The following ACTR5 variants were observed in gnomAD, a reference collection of about 807,000 sequenced individuals.
ACTR5 encodes the protein actin related protein 5, also known as actin-related protein 5.
Under a neutral mutation model 61.2 loss-of-function variants are expected in ACTR5, and 43 were observed. That is an observed-to-expected ratio of 0.70 (90% confidence interval 0.55 to 0.91). The LOEUF (loss-of-function observed/expected upper bound fraction) is 0.91. ACTR5 is among the 40% of genes least tolerant of loss of function. The pLI, the probability that ACTR5 is intolerant of heterozygous loss-of-function variation, is 0.00. For synonymous variants in ACTR5, 333 were observed against 310.5 expected (o/e 1.07, Z -0.76); for missense variants, 798 against 782.2 (o/e 1.02, Z -0.24).
intron 8 of ACTR5, among the ~76,000 whole-genome samples, chr20:38,770,810 T>A (rs1431301468): frequency 6.6e-6 from 1 of 152,176 alleles, no homozygotes; most frequent in Non-Finnish European, 1.5e-5. Context: ...CTTTCCCACC[T>A]CCATTTGTGC....
Position 38,771,643 on chromosome 20 carries a change from T to G in ACTR5, c.1651T>G (p.Trp551Gly), listed in dbSNP as rs1438629171. 1 of 1,614,124 alleles carries G rather than the reference T, an allele frequency of 6.2e-7. No homozygotes were observed. The highest frequency in any genetic ancestry group is 8.5e-7 in the Non-Finnish European group (1 of 1,180,020). ...GAACCACCTAGATGATAATGAAGTT[T>G]GGATCACCAGGAAAGAGTATGAAGA... Reference protein sequence around the residue: ...ALNHLDDNEVWITRKEYEEKG... With the variant: ...ALNHLDDNEVGITRKEYEEKG... The change falls in exon 9 of 9, where the codon TGG (tryptophan) becomes GGG (glycine). Residue 551 changes from tryptophan to glycine, a missense_variant. Transcript: ENST00000243903.
rs551145184 is a variant in ACTR5 at position 38,757,540 on chromosome 20, A to G, written c.1176+1501A>G. On this transcript the variant is annotated intron_variant, in intron 5 of 8. Transcript: ENST00000243903. ...AGCTGTTGATTACTTATCCTTTCAGAAAAAAAATGATACTTTGGAAAAATG... is the reference window on the plus strand; with the variant it reads ...AGCTGTTGATTACTTATCCTTTCAGGAAAAAAATGATACTTTGGAAAAATG... 2.0e-5 allele frequency among the ~76,000 whole-genome samples: 3 copies of G among 151,858 alleles called. No individual in the cohort carries two copies. The South Asian group carries it at 6.2e-4, about 32-fold the overall frequency.
At chr20:38,759,848 G>A (rs908259850) in intron 5 of ACTR5, among the ~76,000 whole-genome samples, 1 of 152,098 alleles carries the variant, frequency 6.6e-6, no homozygotes, top group African/African-American at 2.4e-5. Context: ...TTTTTGAGAA[G>A]GACTGGATGT....
In ACTR5 at chr20:38,748,537, A is replaced by T; in HGVS notation, c.59A>T (p.Glu20Val). Residue 20 changes from glutamate to valine, a missense_variant, in exon 1 of 9, where the codon GAG (glutamate) becomes GTG (valine). By Grantham distance (121) the Glu-to-Val change is moderately radical (BLOSUM62 -2). Transcript: ENST00000243903. ...CGTGCCGCACCGGACCCAGTGCTGG[A>T]GGCCGGCCCGGTGGCACACGGGCCA... is the stretch of plus-strand genomic sequence containing the variant. ...DARAAPDPVL[E>V]AGPVAHGPLP... The T allele has an allele frequency of 6.6e-7, 1 of 1,509,826 alleles. No homozygotes were observed. The highest frequency in any genetic ancestry group is 8.8e-7 in the Non-Finnish European group (1 of 1,133,874). The allele number at this position is 1,509,826 out of a possible 1,614,324, so 93.5% of individuals were successfully genotyped here. A position where few individuals can be genotyped will look rare whatever the true frequency, so the allele number is the denominator to read the frequency against.
At chr20:38,757,262 C>T (rs1258180612) in intron 5 of ACTR5, among the ~76,000 whole-genome samples, 3 of 152,104 alleles carry the variant, frequency 2.0e-5, no homozygotes, top group African/African-American at 7.2e-5. Context: ...AGAGCTTAGG[C>T]CCCAGCATCT....
chr20:38,748,761 C>G lies in ACTR5; in HGVS notation c.283C>G (p.Arg95Gly). 2 of 1,602,558 alleles carry G rather than the reference C, an allele frequency of 1.2e-6. No individual in the cohort carries two copies. The highest frequency in any genetic ancestry group is 1.7e-6 in the Non-Finnish European group (2 of 1,176,164). Residue 95 changes from arginine (R) to glycine (G), a missense_variant, in exon 1 of 9, where the codon CGC (arginine) becomes GGC (glycine). Coordinates refer to ENST00000243903, the MANE Select transcript of ACTR5 (RefSeq NM_024855.4). ...CCTGGAGCCACTGCGCTGGATGCTG[C>G]GCTCGCCCTTCGACCGCAACGTGCC... is the stretch of plus-strand genomic sequence containing the variant. ...GSLEPLRWML[R>G]SPFDRNVPVN...
intron 2 of ACTR5, among the ~76,000 whole-genome samples, chr20:38,751,646 C>T (rs780888183): frequency 1.1e-4 from 16 of 152,246 alleles, no homozygotes; most frequent in Non-Finnish European, 2.1e-4. Context: ...GGTTCTTTTA[C>T]AGTAAGTCAG....
At chr20:38,767,647 T>G (rs1177127717) in intron 8 of ACTR5, 51 bp downstream of exon 8, 1 of 1,550,804 alleles carries the variant, frequency 6.4e-7, no homozygotes, top group African/African-American at 1.4e-5. Context: ...TTACCTGTTT[T>G]CTGATTGCAA....
At chr20:38,760,409 G>A (rs1177105936) in intron 5 of ACTR5, among the ~76,000 whole-genome samples, 2 of 152,062 alleles carry the variant, frequency 1.3e-5, no homozygotes, top group African/African-American at 4.8e-5. Context: ...TTTTGTTTTG[G>A]GAAACTAACT....
At chr20:38,751,752 T>G (rs976123984) in intron 2 of ACTR5, among the ~76,000 whole-genome samples, 3 of 152,208 alleles carry the variant, frequency 2.0e-5, no homozygotes, top group African/African-American at 7.2e-5. Flanking sequence ...AGGGAGCTCA[T>G]TAAAATGCAG....
Position 38,748,831 on chromosome 20 carries a change from A to C in ACTR5, c.353A>C (p.Gln118Pro). 1 of 1,608,294 alleles carries C rather than the reference A, an allele frequency of 6.2e-7. No homozygotes were observed. The highest frequency in any genetic ancestry group is 8.5e-7 in the Non-Finnish European group (1 of 1,178,660). The change falls in exon 1 of 9, where the codon CAG becomes CCG. Residue 118 changes from glutamine (Q) to proline (P), a missense_variant. By Grantham distance (76) the Gln-to-Pro change is moderately conservative. Transcript: ENST00000243903. The part of the protein sequence containing the change: ...LQELLLDYSF[Q>P]HLGVSSQGCV... ...GAGTTGCTGCTGGACTACAGCTTCC[A>C]GCACCTGGGTGTCTCCTCACAGGTG...
At position 38,755,077 on chromosome 20, in the gene ACTR5, A is replaced by G. The variant is rs1457793481; in HGVS notation, c.896A>G (p.Gln299Arg). 6.2e-7 allele frequency: 1 copy of G among 1,614,272 alleles called. No homozygotes were observed. Among genetic ancestry groups the G allele is most frequent in the South Asian group, 1.1e-5 (1 of 91,092 alleles). Residue 299 changes from glutamine to arginine, a missense_variant, in exon 4 of 9, where the codon CAG becomes CGG. Coordinates refer to ENST00000243903, the MANE Select transcript of ACTR5 (RefSeq NM_024855.4). ...LTSEEKQERR[Q>R]QQLRRLQELN... Reference sequence around the variant, plus strand: ...TCTGAGGAGAAACAAGAAAGGCGGCAGCAGCAATTGCGGCGGCTGCAGGAG... The same window carrying G: ...TCTGAGGAGAAACAAGAAAGGCGGCGGCAGCAATTGCGGCGGCTGCAGGAG...
chr20:38,765,599 C>T (rs1049747932), intron 6 of ACTR5, 81 bp downstream of exon 6: 37 of 1,141,886 alleles, frequency 3.2e-5, no homozygotes, highest in Non-Finnish European at 3.6e-5. Flanking sequence ...TTCTTTAGGA[C>T]TTAAAACTGT....
At chr20:38,748,903 G>A (rs769180025) in intron 1 of ACTR5, 50 bp downstream of exon 1, 12 of 1,547,242 alleles carry the variant, frequency 7.8e-6, no homozygotes, top group South Asian at 1.2e-5. Context: ...GGAGGGGTGC[G>A]GTCTCGTCTC....
rs781481528 is a variant in ACTR5 at position 38,767,492 on chromosome 20, G to A, written c.1462G>A (p.Val488Ile). The change falls in exon 8 of 9, where the codon GTT becomes ATT. Residue 488 changes from valine to isoleucine, a missense_variant. Val to Ile is a conservative substitution (Grantham distance 29). Transcript: ENST00000243903. ...RYPKDIQEML[V>I]QNVFLTGGNT... is the part of the protein sequence containing the mutation. Reference sequence around the variant, plus strand: ...CCCAAAGGACATTCAGGAAATGCTGGTTCAGAACGTTTTCCTCACTGGCGG... The same window carrying A: ...CCCAAAGGACATTCAGGAAATGCTGATTCAGAACGTTTTCCTCACTGGCGG... The A allele has an allele frequency of 4.3e-6, 7 of 1,613,996 alleles. No individual in the cohort carries two copies. In the South Asian group the frequency reaches 5.5e-5, roughly 13 times the overall value.
chr20:38,755,779 A>C (rs1255046198), intron 4 of ACTR5, 78 bp from the exon 5 acceptor site: 1 of 1,546,704 alleles, frequency 6.5e-7, no homozygotes, highest in Non-Finnish European at 8.9e-7. Context: ...GGAGCTCTGG[A>C]AGCCCTCTCC....
chr20:38,766,300 A>C lies in ACTR5; in HGVS notation c.1356A>C (p.Pro452=). Reference sequence around the variant, plus strand: ...TTGGGACAGAAAGAATTCGAGCTCCAGAGATTATTTTCCAGCCATCTCTCA... The same window carrying C: ...TTGGGACAGAAAGAATTCGAGCTCCCGAGATTATTTTCCAGCCATCTCTCA... ...LFVGTERIRA[P]EIIFQPSLIG... The change falls in exon 7 of 9, where the codon CCA becomes CCC. Residue 452 remains proline, a synonymous_variant. Coordinates refer to ENST00000243903, the MANE Select transcript of ACTR5 (RefSeq NM_024855.4). The C allele has an allele frequency of 6.2e-7, 1 of 1,614,156 alleles. No individual in the cohort carries two copies. The highest frequency in any genetic ancestry group is 8.5e-7 in the Non-Finnish European group (1 of 1,180,012).
intron 5 of ACTR5, among the ~76,000 whole-genome samples, chr20:38,758,540 G>C: frequency 6.6e-6 from 1 of 152,092 alleles, no homozygotes; most frequent in Admixed American, 6.5e-5. Context: ...CCAGCTACTC[G>C]GGAGGCTGAG....
At chr20:38,756,550 A>G (rs952882412) in intron 5 of ACTR5, among the ~76,000 whole-genome samples, 2 of 152,226 alleles carry the variant, frequency 1.3e-5, no homozygotes, top group Non-Finnish European at 2.9e-5. Flanking sequence ...GACCCTTTGC[A>G]TAAGCTCTTT....
Sources: allele counts gnomAD v4.1 joint callset (sites outside exome capture counted in the v4.1 genomes callset), GRCh38; gene constraint gnomAD v4.1.1; transcripts MANE v1.5; gene names NCBI Gene and HGNC (gene_info 2026-07-23, HGNC 2026-07-21).